The following ZFAND3 variants were observed in gnomAD, a reference collection of about 807,000 sequenced individuals.
ZFAND3 encodes the protein AN1-type zinc finger protein 3.
Under a neutral mutation model 29.6 loss-of-function variants are expected in ZFAND3, and 10 were observed. The ratio of observed to expected loss-of-function variants is 0.34; its 90% CI spans 0.21 to 0.57. ZFAND3 has a LOEUF of 0.57. ZFAND3 is among the 20% of genes least tolerant of loss of function. The probability of loss-of-function intolerance (pLI) is 0.86; values close to 1 mark genes in which losing one functional copy is unlikely to be tolerated. For missense variants in ZFAND3, 230 were observed against 304.5 expected, an observed-to-expected ratio of 0.76 and a Z score of 1.82; for synonymous variants, 128 against 112.6, an observed-to-expected ratio of 1.14 and a Z score of -0.87.
chr6:37,867,651 G>C (rs537277840), intron 1 of ZFAND3, among the ~76,000 whole-genome samples: 146 of 152,178 alleles, frequency 9.6e-4, no homozygotes, highest in Non-Finnish European at 1.6e-3. Context: ...TATAATAACT[G>C]TTTGCATATT....
intron 2 of ZFAND3, among the ~76,000 whole-genome samples, chr6:38,013,620 G>A (rs534487302): frequency 6.6e-6 from 1 of 152,136 alleles, no homozygotes; most frequent in South Asian, 2.1e-4. Flanking sequence ...CAGTTGCTTG[G>A]CATTGTAGCA....
At chr6:37,860,181 T>TG (rs1239796175) in intron 1 of ZFAND3, among the ~76,000 whole-genome samples, 6 of 147,896 alleles carry the variant, frequency 4.1e-5, no homozygotes, top group African/African-American at 1.2e-4. Context: ...AAAAAGAGTT[T>TG]TTTTTTTTTT....
At chr6:38,065,619 C>G (rs1764331564) in intron 3 of ZFAND3, among the ~76,000 whole-genome samples, 1 of 152,136 alleles carries the variant, frequency 6.6e-6, no homozygotes, top group Admixed American at 6.5e-5. Flanking sequence ...CAGATGAGGA[C>G]ATTAAAACTT....
intron 1 of ZFAND3, among the ~76,000 whole-genome samples, chr6:37,885,853 C>T (rs1398285031): frequency 6.6e-6 from 1 of 151,972 alleles, no homozygotes; most frequent in African/African-American, 2.4e-5. Context: ...AGTGATCCTC[C>T]TGCCTCAGCC....
intron 2 of ZFAND3, among the ~76,000 whole-genome samples, chr6:38,010,924 T>TA (rs1237996089): frequency 1.3e-5 from 2 of 149,578 alleles, no homozygotes; most frequent in Non-Finnish European, 3.0e-5. Flanking sequence ...TTTTTTTTTT[T>TA]AAAGAGATGA....
chr6:38,030,744 A>G (rs1476065186), intron 2 of ZFAND3, among the ~76,000 whole-genome samples: 5 of 152,196 alleles, frequency 3.3e-5, no homozygotes, highest in African/African-American at 7.2e-5. Context: ...AAGGGAGTCT[A>G]TGACCTACAG....
At chr6:37,929,245 T>A (rs1761547306) in intron 1 of ZFAND3, among the ~76,000 whole-genome samples, 1 of 152,242 alleles carries the variant, frequency 6.6e-6, no homozygotes, top group Non-Finnish European at 1.5e-5. Flanking sequence ...GAAATGCTAA[T>A]GTGATTTTTT....
At chr6:38,051,111 A>C (rs1764016914) in intron 2 of ZFAND3, among the ~76,000 whole-genome samples, 1 of 152,108 alleles carries the variant, frequency 6.6e-6, no homozygotes, top group Non-Finnish European at 1.5e-5. Context: ...AGATTGTAAG[A>C]GCATACATAG....
chr6:37,913,484 C>T lies in ZFAND3; in HGVS notation c.72-16475C>T, dbSNP rs143505446. The stretch of plus-strand genomic sequence containing the variant: ...TCTACCTCTGATTCTAGTTCTCTTG[C>T]TGTTTCCACCACATCTACAGTTATT... On this transcript the variant is annotated intron_variant, in intron 1 of 5. Transcript: ENST00000287218. Among the ~76,000 whole-genome samples the T allele has an allele frequency of 8.2e-4, 125 of 152,252 alleles. 2 individuals are homozygous for T. In the East Asian group the frequency reaches 0.021, roughly 26 times the overall value.
At position 37,954,594 on chromosome 6, in the gene ZFAND3, A is replaced by G. The variant is rs139397239; in HGVS notation, c.112+24595A>G. Among the ~76,000 whole-genome samples the G allele has an allele frequency of 9.2e-3, 1,405 of 152,250 alleles. 15 individuals carry two copies. The highest frequency in any genetic ancestry group is 0.015 in the Non-Finnish European group (1,011 of 67,988). The stretch of plus-strand genomic sequence containing the variant: ...TTATTCCGTATGTTTTAATGTTTGT[A>G]TCTACCAATTATCTGTGCCAGTTCT... On this transcript the variant is annotated intron_variant, in intron 2 of 5. Coordinates refer to ENST00000287218, the MANE Select transcript of ZFAND3 (RefSeq NM_021943.3).
chr6:37,878,817 G>A (rs1764839754), intron 1 of ZFAND3, among the ~76,000 whole-genome samples: 1 of 152,170 alleles, frequency 6.6e-6, no homozygotes, highest in South Asian at 2.1e-4. Context: ...TGGAATGAGA[G>A]GTAAACATTT....
At chr6:38,078,068 A>G (rs932593118) in intron 3 of ZFAND3, among the ~76,000 whole-genome samples, 1 of 152,158 alleles carries the variant, frequency 6.6e-6, no homozygotes, top group Non-Finnish European at 1.5e-5. Context: ...TGCAGATTTG[A>G]CCCATGTCTT....
intron 2 of ZFAND3, among the ~76,000 whole-genome samples, chr6:38,015,342 G>A (rs1468870359): frequency 6.6e-6 from 1 of 152,206 alleles, no homozygotes; most frequent in African/African-American, 2.4e-5. Flanking sequence ...ATGTTAATGA[G>A]GATGTGTGGG....
intron 2 of ZFAND3, among the ~76,000 whole-genome samples, chr6:38,041,693 C>CCTTCTCCTTCTT: frequency 5.4e-5 from 1 of 18,622 alleles, no homozygotes; most frequent in Non-Finnish European, 9.6e-5. Context: ...TTCTCCTTCT[C>CCTTCTCCTTCTT]CTTCTCCTCC....
chr6:37,834,738 A>G (rs1443306764), intron 1 of ZFAND3, among the ~76,000 whole-genome samples: 3 of 145,890 alleles, frequency 2.1e-5, no homozygotes, highest in Non-Finnish European at 4.4e-5. Flanking sequence ...TCATATGCAT[A>G]TATCATTATG....
intron 4 of ZFAND3, among the ~76,000 whole-genome samples, chr6:38,102,854 T>TCAAGCAATTCTCCTGCCTC (rs1196764579): frequency 1.3e-5 from 2 of 152,258 alleles, no homozygotes; most frequent in African/African-American, 4.8e-5. Flanking sequence ...CCTCCTGGGT[T>TCAAGCAATTCTCCTGCCTC]CAAGCAATTC....
chr6:37,976,266 T>C (rs1003583747), intron 2 of ZFAND3, among the ~76,000 whole-genome samples: 1 of 152,078 alleles, frequency 6.6e-6, no homozygotes, highest in East Asian at 1.9e-4. Context: ...GATGTATTAG[T>C]CCATTTTCAC....
rs956170444 is a variant in ZFAND3, at chr6:37,919,014, C to T, written c.72-10945C>T. On this transcript the variant is annotated intron_variant, in intron 1 of 5. Transcript: ENST00000287218. Reference sequence around the variant, plus strand: ...TGTTGCCCAGGCTGGAGTGCAGTGGCGCAATCTTGGCTCACTGCAACCTCC... The same window carrying T: ...TGTTGCCCAGGCTGGAGTGCAGTGGTGCAATCTTGGCTCACTGCAACCTCC... Among the ~76,000 whole-genome samples, 7 of 134,708 alleles carry T rather than the reference C, an allele frequency of 5.2e-5. No individual in the cohort carries two copies. In the East Asian group the frequency reaches 7.1e-4, roughly 14 times the overall value. The allele number at this position is 134,708 out of a possible 152,430, so 88.4% of individuals were successfully genotyped here.
At chr6:37,980,500 C>G (rs1762561314) in intron 2 of ZFAND3, among the ~76,000 whole-genome samples, 1 of 152,160 alleles carries the variant, frequency 6.6e-6, no homozygotes, top group African/African-American at 2.4e-5. Flanking sequence ...TGATTTGAAG[C>G]AAGTATTAGC....
Sources: allele counts gnomAD v4.1 joint callset (sites outside exome capture counted in the v4.1 genomes callset), GRCh38; gene constraint gnomAD v4.1.1; transcripts MANE v1.5; gene names NCBI Gene and HGNC (gene_info 2026-07-23, HGNC 2026-07-21).